The following CACNB2 variants were observed in gnomAD, a reference collection of about 807,000 sequenced individuals.
CACNB2 encodes the protein calcium voltage-gated channel auxiliary subunit beta 2.
Under a neutral mutation model 73.3 loss-of-function variants are expected in CACNB2, and 42 were observed. The observed-to-expected ratio is 0.57, with a 90% CI of 0.45 to 0.74. The LOEUF (loss-of-function observed/expected upper bound fraction) is 0.74. CACNB2 is among the 30% of genes least tolerant of loss of function. The pLI, the probability that CACNB2 is intolerant of heterozygous loss-of-function variation, is 0.00. For synonymous variants in CACNB2, 348 were observed against 310.3 expected, an observed-to-expected ratio of 1.12 and a Z score of -1.28; for missense variants, 940 against 853.0, an observed-to-expected ratio of 1.10 and a Z score of -1.27.
rs750972281 is a variant in CACNB2 at position 18,140,821 on chromosome 10, G to C, written c.85G>C (p.Val29Leu). 2 of 1,604,328 alleles carry C rather than the reference G, an allele frequency of 1.2e-6. No individual in the cohort carries two copies. The highest frequency in any genetic ancestry group is 2.2e-5 in the South Asian group (2 of 89,432). The change falls in exon 1 of 14, where the codon GTG becomes CTG. Residue 29 changes from valine (V) to leucine (L), a missense_variant. Val to Leu is a conservative substitution (Grantham distance 32). Transcript: ENST00000324631. ...QEIQMELLEN[V>L]APAGALGAAA... Reference sequence around the variant, plus strand: ...GATCCAGATGGAACTGCTAGAGAACGTGGCTCCCGCGGGGGCGCTCGGAGC... The same window carrying C: ...GATCCAGATGGAACTGCTAGAGAACCTGGCTCCCGCGGGGGCGCTCGGAGC...
intron 2 of CACNB2, among the ~76,000 whole-genome samples, chr10:18,173,320 AC>A (rs2131165112): frequency 6.6e-6 from 1 of 152,372 alleles, no homozygotes; most frequent in East Asian, 1.9e-4. Context: ...TCTGACACTT[AC>A]AACCAAAATG....
intron 2 of CACNB2, among the ~76,000 whole-genome samples, chr10:18,348,252 G>A (rs1167366967): frequency 4.6e-5 from 7 of 152,176 alleles, no homozygotes; most frequent in Non-Finnish European, 7.3e-5. Context: ...AACTCTCCGG[G>A]TAAAAGATCA....
intron 3 of CACNB2, among the ~76,000 whole-genome samples, chr10:18,413,061 C>G (rs1253677188): frequency 1.3e-5 from 2 of 152,220 alleles, no homozygotes; most frequent in Non-Finnish European, 2.9e-5. Flanking sequence ...ACTTCTGCCC[C>G]CCGGGTTCAA....
intron 3 of CACNB2, among the ~76,000 whole-genome samples, chr10:18,492,508 C>G (rs938822812): frequency 6.6e-6 from 1 of 150,868 alleles, no homozygotes; most frequent in Non-Finnish European, 1.5e-5. Context: ...GTAGTCCCAA[C>G]TACTTGGGAG....
chr10:18,518,878 C>G, intron 8 of CACNB2, 32 bp from the exon 9 acceptor site: 1 of 1,594,766 alleles, frequency 6.3e-7, no homozygotes, highest in Non-Finnish European at 8.6e-7. Flanking sequence ...TTTTTTTGGT[C>G]ATATCTTAAT....
At chr10:18,401,227 G>C in intron 2 of CACNB2, 11 of 1,104,076 alleles carry the variant, frequency 1.0e-5, no homozygotes, top group East Asian at 2.6e-5. Context: ...GGAGAGGGAA[G>C]CTAGGGAGAT....
intron 2 of CACNB2, among the ~76,000 whole-genome samples, chr10:18,164,838 C>T (rs1256125816): frequency 3.9e-5 from 6 of 152,038 alleles, no homozygotes; most frequent in South Asian, 2.1e-4. Context: ...GTGAAAACTG[C>T]GTGGGAAACA....
chr10:18,329,496 T>TAAAAA (rs2040713503), intron 2 of CACNB2, among the ~76,000 whole-genome samples: 1 of 45,964 alleles, frequency 2.2e-5, no homozygotes, highest in Admixed American at 2.3e-4. Context: ...CTCTTACAAG[T>TAAAAA]AAAAAAAGAA....
intron 2 of CACNB2, among the ~76,000 whole-genome samples, chr10:18,236,819 T>C (rs1016062156): frequency 2.0e-5 from 3 of 146,742 alleles, no homozygotes; most frequent in African/African-American, 7.6e-5. Context: ...CCTTTCTTAT[T>C]CAGAACTTTG....
intron 2 of CACNB2, among the ~76,000 whole-genome samples, chr10:18,312,538 C>G (rs1474879982): frequency 6.6e-6 from 1 of 152,160 alleles, no homozygotes; most frequent in Admixed American, 6.5e-5. Flanking sequence ...TAAGGAGATA[C>G]ACAGAGCTCT....
chr10:18,488,893 T>G (rs1393787655), intron 3 of CACNB2, among the ~76,000 whole-genome samples: 1 of 151,002 alleles, frequency 6.6e-6, no homozygotes, highest in Non-Finnish European at 1.5e-5. Context: ...AAAAAAAATC[T>G]TCAGCCGGGT....
chr10:18,200,009 G>C (rs2034809722), intron 2 of CACNB2, among the ~76,000 whole-genome samples: 1 of 146,540 alleles, frequency 6.8e-6, no homozygotes, highest in African/African-American at 2.5e-5. Flanking sequence ...ACAAAGATGA[G>C]CAAAAAAGAA....
At chr10:18,212,461 A>G (rs1429156100) in intron 2 of CACNB2, among the ~76,000 whole-genome samples, 2 of 152,280 alleles carry the variant, frequency 1.3e-5, no homozygotes, top group East Asian at 1.9e-4. Flanking sequence ...CCCCCAGTCT[A>G]TGAGTTGGTT....
chr10:18,526,198 T>C (rs1432684379), intron 9 of CACNB2, among the ~76,000 whole-genome samples: 2 of 152,226 alleles, frequency 1.3e-5, no homozygotes, highest in South Asian at 2.1e-4. Context: ...CCTTACAATT[T>C]GGCAGTCAGA....
intron 3 of CACNB2, among the ~76,000 whole-genome samples, chr10:18,484,897 G>C (rs1334805136): frequency 6.6e-6 from 1 of 152,182 alleles, no homozygotes; most frequent in South Asian, 2.1e-4. Context: ...GCTCACGCCT[G>C]TAATCTGAGC....
intron 2 of CACNB2, chr10:18,182,123 T>A (rs1427122125): frequency 1.3e-5 from 2 of 152,362 alleles, no homozygotes; most frequent in South Asian, 4.1e-4. Context: ...GAGCATACCC[T>A]AAGCCACCTT....
intron 3 of CACNB2, among the ~76,000 whole-genome samples, chr10:18,421,159 A>G (rs2045298722): frequency 6.6e-6 from 1 of 152,158 alleles, no homozygotes; most frequent in Admixed American, 6.5e-5. Context: ...CTATCAATTC[A>G]AGTTAGAAAA....
chr10:18,405,611 A>G (rs149946289), intron 3 of CACNB2, among the ~76,000 whole-genome samples: 2 of 152,230 alleles, frequency 1.3e-5, no homozygotes, highest in African/African-American at 2.4e-5. Context: ...TCTGCCCTAT[A>G]TACAGGGACT....
intron 3 of CACNB2, among the ~76,000 whole-genome samples, chr10:18,492,620 CAAAAAAAAAA>C (rs371407084): frequency 1.1e-5 from 1 of 90,508 alleles, no homozygotes; most frequent in Admixed American, 1.4e-4. Flanking sequence ...GACTCTGTCT[CAAAAAAAAAA>C]AAAAAAAAGA....
Sources: allele counts gnomAD v4.1 joint callset (sites outside exome capture counted in the v4.1 genomes callset), GRCh38; gene constraint gnomAD v4.1.1; transcripts MANE v1.5; gene names NCBI Gene and HGNC (gene_info 2026-07-23, HGNC 2026-07-21).